KCNA2: variants seen among roughly 807,000 people sequenced by gnomAD.
KCNA2 encodes the protein potassium channel, voltage gated shaker related subfamily A, member 2.
KCNA2 carries 11 observed loss-of-function variants against 33.4 expected under a neutral mutation model. The ratio of observed to expected loss-of-function variants is 0.33; its 90% CI spans 0.21 to 0.55. The LOEUF (loss-of-function observed/expected upper bound fraction) is 0.55. Among genes scored for constraint, KCNA2 ranks in the 20% least tolerant of loss-of-function variants. The pLI is 0.93. For missense variants in KCNA2, 291 were observed against 621.6 expected, an observed-to-expected ratio of 0.47 and a Z score of 5.66; for synonymous variants, 222 against 231.3, an observed-to-expected ratio of 0.96 and a Z score of 0.37.
At position 110,600,065 on chromosome 1, in the gene KCNA2, A is replaced by G. The variant is rs1649269664; in HGVS notation, c.*3218T>C. 1 of 974,978 alleles carries G rather than the reference A, an allele frequency of 1.0e-6. No individual in the cohort carries two copies. The highest frequency in any genetic ancestry group is 6.3e-5 in the Admixed American group (1 of 15,884). The allele number at this position is 974,978 out of a possible 1,614,324, so 60.4% of individuals were successfully genotyped here. On this transcript the variant is annotated 3_prime_UTR_variant, in exon 3 of 3. Coordinates refer to ENST00000316361, the MANE Select transcript of KCNA2 (RefSeq NM_004974.4). ...CTGGTAGTGAGAGAAAAGAATAGAGAAAGAGATTCCTTGAAAGATCCTGGG... is the reference window on the plus strand; with the variant it reads ...CTGGTAGTGAGAGAAAAGAATAGAGGAAGAGATTCCTTGAAAGATCCTGGG...
At position 110,599,527 on chromosome 1, in the gene KCNA2, C is replaced by T. The variant is rs1364647876; in HGVS notation, c.*3756G>A. 3 of 984,844 alleles carry T rather than the reference C, an allele frequency of 3.0e-6. No individual in the cohort carries two copies. In the African/African-American group the frequency reaches 5.3e-5, roughly 17 times the overall value. 61.0% of individuals were successfully genotyped at this position (984,844 alleles called of 1,614,324 possible). ...ACCCAGAGGGGAATCAGGAGTTGGC[C>T]CCTTTGGGCTTATGCACAAGAGCAA... On this transcript the variant is annotated 3_prime_UTR_variant, in exon 3 of 3. Coordinates refer to ENST00000316361, the MANE Select transcript of KCNA2 (RefSeq NM_004974.4).
chr1:110,616,100 A>G (rs921112299), intron 1 of KCNA2, among the ~76,000 whole-genome samples: 2 of 152,232 alleles, frequency 1.3e-5, no homozygotes, highest in Non-Finnish European at 1.5e-5. Flanking sequence ...GGGCAGAGCC[A>G]TGCTTTAAGG....
chr1:110,601,202 G>T lies in KCNA2; in HGVS notation c.*2081C>A. Reference sequence around the variant, plus strand: ...GCCAGTTTAATGGGGAGAGAGTTTGGGTCTGGAGATCAAAATGATGCCTTT... The same window carrying T: ...GCCAGTTTAATGGGGAGAGAGTTTGTGTCTGGAGATCAAAATGATGCCTTT... On this transcript the variant is annotated 3_prime_UTR_variant, in exon 3 of 3. Coordinates refer to ENST00000316361, the MANE Select transcript of KCNA2 (RefSeq NM_004974.4). 1.0e-6 allele frequency: 1 copy of T among 985,216 alleles called. No homozygotes were observed. Among genetic ancestry groups the T allele is most frequent in the Non-Finnish European group, 1.2e-6 (1 of 829,884 alleles). 61.0% of individuals were successfully genotyped at this position (985,216 alleles called of 1,614,324 possible).
chr1:110,625,750 A>G (rs1240383732), intron 1 of KCNA2, among the ~76,000 whole-genome samples: 1 of 152,216 alleles, frequency 6.6e-6, no homozygotes, highest in East Asian at 1.9e-4. Context: ...TCAATAAGGT[A>G]AAAGGTAAGC....
Position 110,598,905 on chromosome 1 carries a change from C to T in KCNA2, c.*4378G>A. 1.0e-6 allele frequency: 1 copy of T among 985,444 alleles called. No individual in the cohort carries two copies. The highest frequency in any genetic ancestry group is 1.2e-6 in the Non-Finnish European group (1 of 829,934). 61.0% of individuals were successfully genotyped at this position (985,444 alleles called of 1,614,324 possible). A position where few individuals can be genotyped will look rare whatever the true frequency, so the allele number is the denominator to read the frequency against. ...CACTCTCTCTTCCTGACAATCTCTC[C>T]ACCTTTCCTGGGCCTATTCCTTTTC... On this transcript the variant is annotated 3_prime_UTR_variant, in exon 3 of 3. Coordinates refer to ENST00000316361, the MANE Select transcript of KCNA2 (RefSeq NM_004974.4).
At chr1:110,607,341 G>T (rs1166962744), upstream of KCNA2, 2 of 150,922 alleles carry the variant, frequency 1.3e-5, no homozygotes, top group African/African-American at 2.4e-5. Context: ...GGTGCGGGCG[G>T]CCAGCCGGGA....
At chr1:110,623,641 C>T (rs1264343633) in intron 1 of KCNA2, among the ~76,000 whole-genome samples, 5 of 152,146 alleles carry the variant, frequency 3.3e-5, no homozygotes, top group Non-Finnish European at 5.9e-5. Context: ...GCAATCCTCC[C>T]GCTTTGGACT....
upstream of KCNA2, among the ~76,000 whole-genome samples, chr1:110,610,765 T>A (rs1041200261): frequency 5.9e-5 from 9 of 152,100 alleles, no homozygotes; most frequent in Non-Finnish European, 1.0e-4. Flanking sequence ...TCACAGGCAA[T>A]CTGGTTTAGA....
In KCNA2 at chr1:110,599,083, T is replaced by C. The variant is rs1399734620; in HGVS notation, c.*4200A>G. 1.0e-6 allele frequency: 1 copy of C among 985,438 alleles called. No individual in the cohort carries two copies. The highest frequency in any genetic ancestry group is 1.2e-6 in the Non-Finnish European group (1 of 829,936). The allele number at this position is 985,438 out of a possible 1,614,324, so 61.0% of individuals were successfully genotyped here. On this transcript the variant is annotated 3_prime_UTR_variant, in exon 3 of 3. Transcript: ENST00000316361. ...CACTCCCTACTGTTGTTACCTTTTC[T>C]GTAGAGACTGGGAGCTGCGACCATC...
In KCNA2 at chr1:110,595,890, A is replaced by G; in HGVS notation, c.*7393T>C. The G allele has an allele frequency of 2.0e-6, 2 of 985,478 alleles. No homozygotes were observed. The highest frequency in any genetic ancestry group is 2.4e-6 in the Non-Finnish European group (2 of 829,948). The allele number at this position is 985,478 out of a possible 1,614,324, so 61.0% of individuals were successfully genotyped here. A position where few individuals can be genotyped will look rare whatever the true frequency, so the allele number is the denominator to read the frequency against. On this transcript the variant is annotated 3_prime_UTR_variant, in exon 3 of 3. Transcript: ENST00000316361. ...AAACCTAGGGCACCACCAATGACAAAGAGAATGCTAAATAGATAAATCCTT... is the reference window on the plus strand; with the variant it reads ...AAACCTAGGGCACCACCAATGACAAGGAGAATGCTAAATAGATAAATCCTT...
intron 1 of KCNA2, among the ~76,000 whole-genome samples, chr1:110,624,499 C>A (rs1321019752): frequency 6.6e-6 from 1 of 152,174 alleles, no homozygotes; most frequent in Non-Finnish European, 1.5e-5. Context: ...TAGGGATTGA[C>A]TGACAAGTGG....
Position 110,597,484 on chromosome 1 carries a change from G to T in KCNA2, c.*5799C>A. 1 of 985,422 alleles carries T rather than the reference G, an allele frequency of 1.0e-6. No homozygotes were observed. Among genetic ancestry groups the T allele is most frequent in the South Asian group, 4.7e-5 (1 of 21,276 alleles). The allele number at this position is 985,422 out of a possible 1,614,324, so 61.0% of individuals were successfully genotyped here. A position where few individuals can be genotyped will look rare whatever the true frequency, so the allele number is the denominator to read the frequency against. The stretch of plus-strand genomic sequence containing the variant: ...GCAGGCAGAAATGGGGAGACAGAGG[G>T]AGAGGGGACAGAGACACACATGGAG... On this transcript the variant is annotated 3_prime_UTR_variant, in exon 3 of 3. Transcript: ENST00000316361.
Position 110,604,892 on chromosome 1 carries a change from C to G in KCNA2, c.-110G>C. ...AAGCACAGGAGCATTGGCCTGGTCT[C>G]CTGCAGGAGAGCCCCGAGAGCTCTC... On this transcript the variant is annotated 5_prime_UTR_variant, in exon 3 of 3. Transcript: ENST00000316361. This position sits in a 1 kb window ranked among gnomAD's most constrained non-coding sequence, Gnocchi z 7.6. The G allele has an allele frequency of 9.7e-7, 1 of 1,035,486 alleles. No individual in the cohort carries two copies. The highest frequency in any genetic ancestry group is 2.3e-5 in the Admixed American group (1 of 42,886). The allele number at this position is 1,035,486 out of a possible 1,614,324, so 64.1% of individuals were successfully genotyped here. A position where few individuals can be genotyped will look rare whatever the true frequency, so the allele number is the denominator to read the frequency against.
chr1:110,602,089 T>A lies in KCNA2; in HGVS notation c.*1194A>T. ...TGTACAGTCATGCCCGCGACTAGGTTAATTCCTAAGGTGCAGTCATGTGAG... is the reference window on the plus strand; with the variant it reads ...TGTACAGTCATGCCCGCGACTAGGTAAATTCCTAAGGTGCAGTCATGTGAG... On this transcript the variant is annotated 3_prime_UTR_variant, in exon 3 of 3. Transcript: ENST00000316361. The A allele has an allele frequency of 6.4e-7, 1 of 1,550,538 alleles. No individual in the cohort carries two copies. The highest frequency in any genetic ancestry group is 2.4e-5 in the East Asian group (1 of 40,926).
At position 110,603,492 on chromosome 1, in the gene KCNA2, G is replaced by C. The variant is rs2101395841; in HGVS notation, c.1291C>G (p.Gln431Glu). 3.1e-6 allele frequency: 5 copies of C among 1,614,020 alleles called. No individual in the cohort carries two copies. The highest frequency in any genetic ancestry group is 4.2e-6 in the Non-Finnish European group (5 of 1,179,998). Residue 431 changes from glutamine to glutamate, a missense_variant, in exon 3 of 3, where the codon CAA (glutamine) becomes GAA (glutamate). Gln to Glu is a conservative substitution (Grantham distance 29, BLOSUM62 2). Around this residue, in one of 5 missense-constraint regions of KCNA2, gnomAD observed 65 missense variants for 95.1 expected, o/e 0.68. Coordinates refer to ENST00000316361, the MANE Select transcript of KCNA2 (RefSeq NM_004974.4). This position sits in a 1 kb window ranked among gnomAD's most constrained non-coding sequence, Gnocchi z 5.7. ...TEGEEQAQYL[Q>E]VTSCPKIPSS... is the part of the protein sequence containing the mutation. The stretch of plus-strand genomic sequence containing the variant: ...GGGATCTTTGGACAGCTTGTCACTT[G>C]CAAGTATTGGGCCTGTTCCTCTCCC...
chr1:110,595,465 G>A lies in KCNA2; in HGVS notation c.*7818C>T, dbSNP rs2101354064. The A allele has an allele frequency of 1.0e-6, 1 of 985,486 alleles. No homozygotes were observed. The allele number at this position is 985,486 out of a possible 1,614,324, so 61.0% of individuals were successfully genotyped here. On this transcript the variant is annotated 3_prime_UTR_variant, in exon 3 of 3. Coordinates refer to ENST00000316361, the MANE Select transcript of KCNA2 (RefSeq NM_004974.4). ...GCCAGACTGGAGGGCTTCTGTGGGT[G>A]TGGGGAGATGGCAGACACCCCTGCA...
At chr1:110,620,128 TCTC>T (rs919117013) in intron 1 of KCNA2, among the ~76,000 whole-genome samples, 4 of 149,830 alleles carry the variant, frequency 2.7e-5, no homozygotes, top group East Asian at 2.0e-4. Flanking sequence ...GGGTAAGACT[TCTC>T]AGCCCCCAGA....
At position 110,594,698 on chromosome 1, in the gene KCNA2, A is replaced by C. The variant is rs1570743992; in HGVS notation, c.*8585T>G. On this transcript the variant is annotated 3_prime_UTR_variant, in exon 3 of 3. Coordinates refer to ENST00000316361, the MANE Select transcript of KCNA2 (RefSeq NM_004974.4). ...AAAGGAAACTGGGTCGCTGGATCCC[A>C]CGTGAAGGCAGAACTGGGGCAAGCA... 2 of 985,404 alleles carry C rather than the reference A, an allele frequency of 2.0e-6. No individual in the cohort carries two copies. Among genetic ancestry groups the C allele is most frequent in the Non-Finnish European group, 2.4e-6 (2 of 829,958 alleles). 61.0% of individuals were successfully genotyped at this position (985,404 alleles called of 1,614,324 possible).
chr1:110,608,275 T>C (rs1354400545), upstream of KCNA2, among the ~76,000 whole-genome samples: 1 of 152,126 alleles, frequency 6.6e-6, no homozygotes, highest in East Asian at 1.9e-4. Context: ...CAGGGTGCTT[T>C]TGGGAGGCAG....
Sources: gnomAD v4.1 joint callset for allele counts (sites outside exome capture counted in the v4.1 genomes callset) on GRCh38, gnomAD v4.1.1 for gene constraint, gnomAD v4.1.1 regional missense constraint, Gnocchi (gnomAD v3.1) non-coding constraint, MANE v1.5 for transcripts, NCBI Gene and HGNC (gene_info 2026-07-23, HGNC 2026-07-21) for gene names.